CDK12: variants seen among roughly 807,000 people sequenced by gnomAD.
The protein encoded by CDK12 is cyclin dependent kinase 12, also known as cyclin-dependent kinase 12.
Under a neutral mutation model 133.8 loss-of-function variants are expected in CDK12, and 17 were observed. The ratio of observed to expected loss-of-function variants is 0.13; its 90% CI spans 0.09 to 0.19. The LOEUF is 0.19. Among genes scored for constraint, CDK12 ranks in the 10% least tolerant of loss-of-function variants. CDK12 has a pLI of 1.00. For missense variants in CDK12, 1,508 were observed against 1,818.7 expected (o/e 0.83, Z 3.11); for synonymous variants, 694 against 683.6 (o/e 1.02, Z -0.24).
intron 2 of CDK12, among the ~76,000 whole-genome samples, chr17:39,473,640 C>T (rs905614549): frequency 5.9e-5 from 9 of 152,092 alleles, no homozygotes; most frequent in Non-Finnish European, 1.0e-4. Context: ...CCTTTAATCC[C>T]AGCACTTTGG....
In CDK12 at chr17:39,533,261, T is replaced by G. The variant is rs1484637617; in HGVS notation, c.*1945T>G. ...TTTAGAAAGAGAGCCTTCTAGCTAT[T>G]TTGGCATTGATGGCTTTTTATACCA... On this transcript the variant is annotated 3_prime_UTR_variant, in exon 14 of 14. Transcript: ENST00000447079. 4.3e-6 allele frequency: 1 copy of G among 232,970 alleles called. No individual in the cohort carries two copies. Among genetic ancestry groups the G allele is most frequent in the African/African-American group, 2.2e-5 (1 of 45,332 alleles). 14.4% of individuals were successfully genotyped at this position (232,970 alleles called of 1,614,324 possible). A position where few individuals can be genotyped will look rare whatever the true frequency, so the allele number is the denominator to read the frequency against.
intron 11 of CDK12, among the ~76,000 whole-genome samples, chr17:39,521,420 G>A (rs778347119): frequency 1.3e-4 from 20 of 151,948 alleles, no homozygotes; most frequent in South Asian, 1.2e-3. Context: ...ACGCCACCAT[G>A]CCCGGCTAAT....
chr17:39,484,033 A>G (rs1445848479), intron 2 of CDK12, among the ~76,000 whole-genome samples: 1 of 152,000 alleles, frequency 6.6e-6, no homozygotes, highest in African/African-American at 2.4e-5. Context: ...TAGAAGAGAC[A>G]GGGTTTCACC....
In CDK12 at chr17:39,462,539, G is replaced by A. The variant is rs1264845719; in HGVS notation, c.468G>A (p.Glu156=). ...RISGSSKRSN[E]ETDDYGKAQV... ...CGGGAAGTTCAAAGCGTTCGAATGA[G>A]GAGACTGATGACTATGGGAAGGCGC... Residue 156 remains glutamate, a synonymous_variant, in exon 1 of 14, where the codon GAG becomes GAA. Coordinates refer to ENST00000447079, the MANE Select transcript of CDK12 (RefSeq NM_016507.4). 1 of 1,614,218 alleles carries A rather than the reference G, an allele frequency of 6.2e-7. No individual in the cohort carries two copies. The highest frequency in any genetic ancestry group is 1.3e-5 in the African/African-American group (1 of 75,070).
At chr17:39,539,476 T>C (rs901232137), downstream of CDK12, among the ~76,000 whole-genome samples, 29 of 152,148 alleles carry the variant, frequency 1.9e-4, no homozygotes, top group African/African-American at 6.8e-4. Flanking sequence ...CAGAATAAGA[T>C]TGTGTTCCTC....
chr17:39,517,515 G>T lies in CDK12; in HGVS notation c.2922G>T (p.Pro974=). ...TGCCCTACTTCAACACCATGAAACC[G>T]AAGAAGCAATATCGAAGGCGTCTAC... ...IKLPYFNTMK[P]KKQYRRRLRE... Residue 974 remains proline (P), a synonymous_variant, in exon 10 of 14, where the codon CCG becomes CCT. Transcript: ENST00000447079. 6.2e-7 allele frequency: 1 copy of T among 1,612,860 alleles called. No homozygotes were observed. The highest frequency in any genetic ancestry group is 8.5e-7 in the Non-Finnish European group (1 of 1,178,866).
intron 10 of CDK12, 62 bp downstream of exon 10, chr17:39,517,618 T>C: frequency 1.0e-6 from 1 of 977,186 alleles, no homozygotes; most frequent in Non-Finnish European, 1.6e-6. Context: ...ACTTGGCTTT[T>C]TCCTGGTCTG....
chr17:39,490,806 T>C (rs2051530660), intron 3 of CDK12, 73 bp downstream of exon 3: 1 of 1,159,734 alleles, frequency 8.6e-7, no homozygotes, highest in South Asian at 1.6e-5. Flanking sequence ...CTCATGTTTC[T>C]TCTATAACCC....
Position 39,461,797 on chromosome 17 carries a change from G to A in CDK12, c.-275G>A. 2.1e-6 allele frequency: 1 copy of A among 481,472 alleles called. No individual in the cohort carries two copies. The highest frequency in any genetic ancestry group is 3.4e-5 in the East Asian group (1 of 29,734). The allele number at this position is 481,472 out of a possible 1,614,324, so 29.8% of individuals were successfully genotyped here. ...GGCCTGAGGACTGGCTCGGCGGAGG[G>A]AGAAGAGGAAACAGACTTGAGCAGC... On this transcript the variant is annotated 5_prime_UTR_variant, in exon 1 of 14. Coordinates refer to ENST00000447079, the MANE Select transcript of CDK12 (RefSeq NM_016507.4).
At position 39,511,697 on chromosome 17, in the gene CDK12, C is replaced by T. The variant is rs970892474; in HGVS notation, c.2768+67C>T. ...ACTGTTGACTTGTACTTTGTTTTCT[C>T]TGTACACTGGCTTTTTAGAGCTCTT... is the stretch of plus-strand genomic sequence containing the variant. On this transcript the variant is annotated intron_variant, in intron 8 of 13. Transcript: ENST00000447079. The T allele has an allele frequency of 1.4e-5, 14 of 996,636 alleles. No homozygotes were observed. The African/African-American group carries it at 2.1e-4, about 15-fold the overall frequency. 61.7% of individuals were successfully genotyped at this position (996,636 alleles called of 1,614,324 possible).
At chr17:39,537,130 G>C (rs966455329), downstream of CDK12, among the ~76,000 whole-genome samples, 1 of 152,134 alleles carries the variant, frequency 6.6e-6, no homozygotes, top group Non-Finnish European at 1.5e-5. Context: ...TCTGAGTCTT[G>C]GAGGATGTCT....
chr17:39,468,737 A>G (rs2049547493), intron 1 of CDK12, among the ~76,000 whole-genome samples: 1 of 152,016 alleles, frequency 6.6e-6, no homozygotes, highest in Non-Finnish European at 1.5e-5. Context: ...AGCCTCCGAA[A>G]GTGTTGGGAT....
intron 6 of CDK12, among the ~76,000 whole-genome samples, chr17:39,504,902 C>T (rs1466031360): frequency 1.6e-5 from 1 of 64,180 alleles, no homozygotes; most frequent in East Asian, 5.0e-4. Flanking sequence ...AAAAAAAACG[C>T]TAAGGAGAAA....
intron 5 of CDK12, among the ~76,000 whole-genome samples, chr17:39,498,165 A>G (rs1346967612): frequency 6.6e-6 from 1 of 150,702 alleles, no homozygotes; most frequent in African/African-American, 2.4e-5. Flanking sequence ...GCTGGTTTTT[A>G]AAAATTTTGG....
chr17:39,532,140 C>CTCTCTCTCTCTCTCTCTCTGTCTG lies in CDK12; in HGVS notation c.*827_*828insCTCTCTCTCTCTCTCTGTCTGTCT. ...TCTCTCTCTCTCTCTCTCTCTCTCTCTCTGTCTCGCTTGCTCGCTCTCGCT... is the reference window on the plus strand; with the variant it reads ...TCTCTCTCTCTCTCTCTCTCTCTCTCTCTCTCTCTCTCTCTCTCTGTCTGTCTGTCTCGCTTGCTCGCTCTCGCT... On this transcript the variant is annotated 3_prime_UTR_variant, in exon 14 of 14. Transcript: ENST00000447079. 4.6e-6 allele frequency: 1 copy of CTCTCTCTCTCTCTCTCTCTGTCTG among 218,952 alleles called. No homozygotes were observed. Among genetic ancestry groups the CTCTCTCTCTCTCTCTCTCTGTCTG allele is most frequent in the African/African-American group, 2.5e-5 (1 of 40,318 alleles). The allele number at this position is 218,952 out of a possible 1,614,324, so 13.6% of individuals were successfully genotyped here.
At chr17:39,498,034 T>TG (rs2052272715) in intron 5 of CDK12, among the ~76,000 whole-genome samples, 1 of 151,564 alleles carries the variant, frequency 6.6e-6, no homozygotes, top group African/African-American at 2.4e-5. Context: ...GACAGAGTCT[T>TG]GCTCTCTCAC....
intron 1 of CDK12, among the ~76,000 whole-genome samples, chr17:39,541,281 A>G (rs2143767144): frequency 6.6e-6 from 1 of 150,792 alleles, no homozygotes; most frequent in East Asian, 2.0e-4. Flanking sequence ...TCAGTCTCCC[A>G]TTTGCTTTAT....
At chr17:39,477,007 T>C (rs1004191013) in intron 2 of CDK12, among the ~76,000 whole-genome samples, 3 of 150,862 alleles carry the variant, frequency 2.0e-5, no homozygotes, top group African/African-American at 7.3e-5. Context: ...AACCACCAAG[T>C]CCAGCCCTAA....
intron 2 of CDK12, among the ~76,000 whole-genome samples, chr17:39,484,763 T>G (rs1318654747): frequency 6.6e-6 from 1 of 152,164 alleles, no homozygotes; most frequent in Non-Finnish European, 1.5e-5. Context: ...TTTTTAGCGC[T>G]GACATGATAC....
Sources: allele counts gnomAD v4.1 joint callset (sites outside exome capture counted in the v4.1 genomes callset), GRCh38; gene constraint gnomAD v4.1.1; transcripts MANE v1.5; gene names NCBI Gene and HGNC (gene_info 2026-07-23, HGNC 2026-07-21).